The following ACYP2 variants were observed in gnomAD, a reference collection of about 807,000 sequenced individuals.
ACYP2 encodes acylphosphatase 2, also known as acylphosphatase-2.
A neutral mutation model predicts 11.2 loss-of-function variants in ACYP2; 12 were observed. The ratio of observed to expected loss-of-function variants is 1.08; its 90% confidence interval spans 0.69 to 1.74. The LOEUF (loss-of-function observed/expected upper bound fraction) is 1.74. Among genes scored for constraint, ACYP2 ranks in the 40% most tolerant of loss-of-function variants. The pLI is 0.00. For missense variants in ACYP2, 134 were observed against 101.9 expected, an observed-to-expected ratio of 1.31 and a Z score of -1.35; for synonymous variants, 43 against 32.2, an observed-to-expected ratio of 1.33 and a Z score of -1.13.
At chr2:53,991,304 G>T (rs1672281283) in intron 2 of ACYP2, among the ~76,000 whole-genome samples, 1 of 152,164 alleles carries the variant, frequency 6.6e-6, no homozygotes, top group African/African-American at 2.4e-5. Context: ...TACAAATAAA[G>T]CTTCAATAAA....
intron 6 of ACYP2, among the ~76,000 whole-genome samples, chr2:54,237,941 T>C (rs1330221794): frequency 2.6e-5 from 4 of 152,148 alleles, no homozygotes; most frequent in African/African-American, 9.7e-5. Context: ...TGCCGTACTC[T>C]CGTTACTCGC....
intron 4 of ACYP2, among the ~76,000 whole-genome samples, chr2:54,122,021 A>T (rs1028782607): frequency 3.3e-5 from 5 of 152,200 alleles, no homozygotes; most frequent in African/African-American, 9.6e-5. Context: ...CAGAACCTGG[A>T]CTGATGGTGA....
intron 4 of ACYP2, among the ~76,000 whole-genome samples, chr2:54,080,954 T>C (rs1384340544): frequency 6.6e-6 from 1 of 152,216 alleles, no homozygotes; most frequent in Non-Finnish European, 1.5e-5. Flanking sequence ...AAAAAAACTT[T>C]CTTTTGGTTT....
At chr2:53,985,070 C>CTTTT (rs1178409999) in intron 2 of ACYP2, among the ~76,000 whole-genome samples, 2 of 134,992 alleles carry the variant, frequency 1.5e-5, no homozygotes, top group Non-Finnish European at 3.2e-5. Flanking sequence ...TTTTTTCTTT[C>CTTTT]TTTTTTTTTT....
At chr2:53,982,515 A>G (rs1324898781) in intron 2 of ACYP2, among the ~76,000 whole-genome samples, 1 of 152,212 alleles carries the variant, frequency 6.6e-6, no homozygotes, top group Admixed American at 6.5e-5. Context: ...AGACAAAACT[A>G]TAACCAAATG....
chr2:54,166,024 C>T (rs1682953063), intron 6 of ACYP2, among the ~76,000 whole-genome samples: 1 of 152,164 alleles, frequency 6.6e-6, no homozygotes, highest in African/African-American at 2.4e-5. Context: ...TGAAGTTTTA[C>T]ATTCAGTTTA....
chr2:54,097,793 TTAACTC>T (rs1224276936), intron 4 of ACYP2, among the ~76,000 whole-genome samples: 3 of 152,068 alleles, frequency 2.0e-5, no homozygotes, highest in African/African-American at 7.2e-5. Context: ...AAAGATATTT[TTAACTC>T]TAACCACCAT....
At chr2:54,042,071 G>A (rs975767226) in intron 2 of ACYP2, among the ~76,000 whole-genome samples, 12 of 149,800 alleles carry the variant, frequency 8.0e-5, no homozygotes, top group Admixed American at 6.7e-4. Flanking sequence ...GCAGTGGCAC[G>A]ATCTTGGCTC....
intron 6 of ACYP2, among the ~76,000 whole-genome samples, chr2:54,152,683 A>G (rs889963950): frequency 2.6e-5 from 4 of 152,160 alleles, no homozygotes; most frequent in Admixed American, 1.3e-4. Context: ...TCACTTAGAT[A>G]CATGTCTTTA....
At chr2:54,264,759 G>C (rs1417328453) in intron 6 of ACYP2, among the ~76,000 whole-genome samples, 1 of 152,178 alleles carries the variant, frequency 6.6e-6, no homozygotes, top group Non-Finnish European at 1.5e-5. Context: ...TTTGGGGTAG[G>C]GGACAGTAAA....
At chr2:54,180,278 T>G (rs937831910) in intron 6 of ACYP2, among the ~76,000 whole-genome samples, 1 of 152,212 alleles carries the variant, frequency 6.6e-6, no homozygotes, top group East Asian at 1.9e-4. Flanking sequence ...GGAGGCTTCA[T>G]TCAGTAGCCA....
intron 6 of ACYP2, among the ~76,000 whole-genome samples, chr2:54,157,258 A>C (rs1163467569): frequency 1.3e-5 from 2 of 150,862 alleles, no homozygotes; most frequent in African/African-American, 4.8e-5. Flanking sequence ...TTTTAAAAAA[A>C]CCTATACATT....
At position 54,194,553 on chromosome 2, in the gene ACYP2, G is replaced by A. The variant is rs141435407; in HGVS notation, c.404+55805G>A. Among the ~76,000 whole-genome samples the A allele has an allele frequency of 2.2e-3, 327 of 152,066 alleles. 1 individual carries two copies. The highest frequency in any genetic ancestry group is 7.4e-3 in the African/African-American group (306 of 41,504). On this transcript the variant is annotated intron_variant, in intron 6 of 6. Coordinates refer to ENST00000607452, the MANE Select transcript of ACYP2 (RefSeq NM_001320586.2). ...TTTCTTTTATCAGGAAGTCCATAAT[G>A]TTATATAATAATATATTATATGAAC... is the stretch of plus-strand genomic sequence containing the variant.
intron 6 of ACYP2, among the ~76,000 whole-genome samples, chr2:54,198,951 G>A (rs535058876): frequency 6.6e-6 from 1 of 152,292 alleles, no homozygotes; most frequent in South Asian, 2.1e-4. Flanking sequence ...AGATGGGCAA[G>A]GAAAAGGAGC....
chr2:54,119,904 G>A lies in ACYP2; in HGVS notation c.278-15549G>A, dbSNP rs761740632. Among the ~76,000 whole-genome samples, 22 of 152,088 alleles carry A rather than the reference G, an allele frequency of 1.4e-4. 1 individual carries two copies. Among genetic ancestry groups the A allele is most frequent in the Non-Finnish European group, 2.9e-4 (20 of 68,022 alleles). On this transcript the variant is annotated intron_variant, in intron 4 of 6. Transcript: ENST00000607452. ...ATTCTGTTAGACTTACCTTGTTGTC[G>A]ATGACGTTGGCAGTTTTAAGGAGTA...
intron 4 of ACYP2, among the ~76,000 whole-genome samples, chr2:54,126,396 G>A (rs570337458): frequency 3.0e-4 from 46 of 152,252 alleles, no homozygotes; most frequent in Non-Finnish European, 1.8e-4. Context: ...GTCTTTTGAT[G>A]AGATTGATCA....
At position 54,166,190 on chromosome 2, in the gene ACYP2, C is replaced by T. The variant is rs143575140; in HGVS notation, c.404+27442C>T. Among the ~76,000 whole-genome samples the T allele has an allele frequency of 1.0e-3, 152 of 152,278 alleles. 1 individual carries two copies. The highest frequency in any genetic ancestry group is 3.6e-3 in the African/African-American group (149 of 41,550). Reference sequence around the variant, plus strand: ...ACTTGACCATGGTGTTGTCAGAGAGCACCCAGAGGGCCATGTAGTCTTTGA... The same window carrying T: ...ACTTGACCATGGTGTTGTCAGAGAGTACCCAGAGGGCCATGTAGTCTTTGA... On this transcript the variant is annotated intron_variant, in intron 6 of 6. Transcript: ENST00000607452.
chr2:53,995,246 C>G (rs1285456650), intron 2 of ACYP2, among the ~76,000 whole-genome samples: 1 of 152,060 alleles, frequency 6.6e-6, no homozygotes, highest in African/African-American at 2.4e-5. Context: ...AAATTGGTTC[C>G]TCTAAATAGA....
chr2:54,152,395 A>G (rs1438640924), intron 6 of ACYP2, among the ~76,000 whole-genome samples: 1 of 152,084 alleles, frequency 6.6e-6, no homozygotes, highest in African/African-American at 2.4e-5. Flanking sequence ...AAGTGCTGGG[A>G]TTACTGGCAT....
Sources: allele counts gnomAD v4.1 joint callset (sites outside exome capture counted in the v4.1 genomes callset), GRCh38; gene constraint gnomAD v4.1.1; transcripts MANE v1.5; gene names NCBI Gene and HGNC (gene_info 2026-07-23, HGNC 2026-07-21).